The following COL1A1 variants were observed in gnomAD, a reference collection of about 807,000 sequenced individuals.
COL1A1 encodes the protein collagen alpha-1(I) chain.
Under a neutral mutation model 195.7 loss-of-function variants are expected in COL1A1, and 21 were observed. The ratio of observed to expected loss-of-function variants is 0.11; its 90% CI spans 0.08 to 0.15. The LOEUF is 0.15. Among genes scored for constraint, COL1A1 ranks in the 10% least tolerant of loss-of-function variants. The pLI is 1.00. For missense variants in COL1A1, 1,365 were observed against 2,051.0 expected (o/e 0.67, Z 6.46); for synonymous variants, 749 against 747.3 (o/e 1.00, Z -0.04).
At chr17:50,193,658 T>C (rs1907302233) in intron 25 of COL1A1, 1 of 407,646 alleles carries the variant, frequency 2.5e-6, no homozygotes, top group Admixed American at 3.6e-5. Flanking sequence ...ATCTTTTGTA[T>C]TTTTAGTAGA....
In COL1A1 at chr17:50,190,762, G is replaced by A; in HGVS notation, c.2343+55C>T. The A allele has an allele frequency of 6.5e-7, 1 of 1,543,678 alleles. No homozygotes were observed. The highest frequency in any genetic ancestry group is 9.0e-7 in the Non-Finnish European group (1 of 1,116,746). ...ACGCAACCCCACGGAACCGTGCCCA[G>A]GCCTGCTGAGGAGGCTATGTGTTAG... On this transcript the variant is annotated intron_variant, in intron 33 of 50. Coordinates refer to ENST00000225964, the MANE Select transcript of COL1A1 (RefSeq NM_000088.4). The surrounding 1 kb of genome is among the most constrained non-coding windows in gnomAD (Gnocchi z 4.7).
Position 50,185,409 on chromosome 17 carries a change from T to G in COL1A1, c.*93A>C. On this transcript the variant is annotated 3_prime_UTR_variant, in exon 51 of 51. Coordinates refer to ENST00000225964, the MANE Select transcript of COL1A1 (RefSeq NM_000088.4). ...GTGAAATTGTCTCCCATTTTTTGGC[T>G]TTTGAGGGGGTTCAGTTTGGGTTGC... is the stretch of plus-strand genomic sequence containing the variant. 6.7e-7 allele frequency: 1 copy of G among 1,485,412 alleles called. No individual in the cohort carries two copies. The allele number at this position is 1,485,412 out of a possible 1,614,324, so 92.0% of individuals were successfully genotyped here.
rs367802613 is a variant in COL1A1 at position 50,195,920 on chromosome 17, C to T, written c.1056+3G>A. 114 of 1,577,960 alleles carry T rather than the reference C, an allele frequency of 7.2e-5. No individual in the cohort carries two copies. Among genetic ancestry groups the T allele is most frequent in the Non-Finnish European group, 9.6e-5 (111 of 1,161,376 alleles). On this transcript the variant is annotated splice_donor_region_variant and intron_variant, in intron 16 of 50. Transcript: ENST00000225964. This position sits in a 1 kb window ranked among gnomAD's most constrained non-coding sequence, Gnocchi z 4.3. ...ATGCTTAGAGGAGAGTGGGGGGTCT[C>T]ACCTTAGCACCAACAGCACCAGGGA...
In COL1A1 at chr17:50,190,308, TG is replaced by T. The variant is rs772973696; in HGVS notation, c.2451+18del. The T allele has an allele frequency of 2.6e-6, 4 of 1,520,310 alleles. No individual in the cohort carries two copies. Among genetic ancestry groups the T allele is most frequent in the Non-Finnish European group, 3.6e-6 (4 of 1,103,218 alleles). The allele number at this position is 1,520,310 out of a possible 1,614,324, so 94.2% of individuals were successfully genotyped here. A position where few individuals can be genotyped will look rare whatever the true frequency, so the allele number is the denominator to read the frequency against. ...GGTCCCAGTCGGTGATGAAAAATGA[TG>T]GGGGTCTTGGTACTCACAGGGGGGC... is the stretch of plus-strand genomic sequence containing the variant. On this transcript the variant is annotated intron_variant, in intron 35 of 50. Transcript: ENST00000225964. This position sits in a 1 kb window ranked among gnomAD's most constrained non-coding sequence, Gnocchi z 4.7.
chr17:50,197,098 T>C (rs1329225592), intron 10 of COL1A1, 35 bp from the exon 11 acceptor site: 2 of 1,613,928 alleles, frequency 1.2e-6, no homozygotes, highest in African/African-American at 2.7e-5. Context: ...GAAGGGCCAT[T>C]AGAACACATC....
chr17:50,187,661 C>T (rs573217119), intron 45 of COL1A1, 124 bp from the exon 46 acceptor site: 23 of 1,114,064 alleles, frequency 2.1e-5, no homozygotes, highest in Admixed American at 9.7e-5. Flanking sequence ...GAAATCTAGC[C>T]CGAGGGTGTC....
chr17:50,198,021 G>T lies in COL1A1; in HGVS notation c.589-19C>A, dbSNP rs201953078. The T allele has an allele frequency of 5.0e-6, 8 of 1,613,938 alleles. No individual in the cohort carries two copies. In the East Asian group the frequency reaches 1.3e-4, roughly 27 times the overall value. On this transcript the variant is annotated intron_variant, in intron 7 of 50. Coordinates refer to ENST00000225964, the MANE Select transcript of COL1A1 (RefSeq NM_000088.4). Reference sequence around the variant, plus strand: ...GGGGACCCTTGAGAAGAAGGAAAAAGATGGGTTAGAAGACAAGTCCCTGTC... The same window carrying T: ...GGGGACCCTTGAGAAGAAGGAAAAATATGGGTTAGAAGACAAGTCCCTGTC...
Position 50,199,426 on chromosome 17 carries a change from C to T in COL1A1, c.361G>A (p.Gly121Ser). The change falls in exon 4 of 51, where the codon GGC becomes AGC. Residue 121 changes from glycine to serine, a missense_variant. Gly to Ser is a moderately conservative substitution (Grantham distance 56). Coordinates refer to ENST00000225964, the MANE Select transcript of COL1A1 (RefSeq NM_000088.4). Reference sequence around the variant, plus strand: ...CAGAGTGCAACGCTTACCCTTGGGCCTCGGGGGCCAGTGTCTCCCTTGGGT... The same window carrying T: ...CAGAGTGCAACGCTTACCCTTGGGCTTCGGGGGCCAGTGTCTCCCTTGGGT... ...EGPKGDTGPRGPRGPAGPPGR... is the reference protein window; with the variant it reads ...EGPKGDTGPRSPRGPAGPPGR... The T allele has an allele frequency of 3.7e-6, 6 of 1,614,092 alleles. No homozygotes were observed. The highest frequency in any genetic ancestry group is 1.3e-5 in the African/African-American group (1 of 75,050).
At chr17:50,191,568 C>T in intron 31 of COL1A1, 78 bp from the exon 32 acceptor site, 4 of 1,377,482 alleles carry the variant, frequency 2.9e-6, no homozygotes, top group Non-Finnish European at 4.1e-6. Flanking sequence ...CGCTTGGTAT[C>T]TCCCAGGCTT....
In COL1A1 at chr17:50,186,101, T is replaced by C. The variant is rs893733326; in HGVS notation, c.4006-81A>G. On this transcript the variant is annotated intron_variant, in intron 49 of 50. Coordinates refer to ENST00000225964, the MANE Select transcript of COL1A1 (RefSeq NM_000088.4). This position sits in a 1 kb window ranked among gnomAD's most constrained non-coding sequence, Gnocchi z 5.3. ...TGCCTGGCCTCCCTGTCCAGGGTCCTCAGAGAGCTGCCCAATGCACCGTTA... is the reference window on the plus strand; with the variant it reads ...TGCCTGGCCTCCCTGTCCAGGGTCCCCAGAGAGCTGCCCAATGCACCGTTA... The C allele has an allele frequency of 1.3e-6, 2 of 1,589,370 alleles. No homozygotes were observed. Among genetic ancestry groups the C allele is most frequent in the Non-Finnish European group, 1.7e-6 (2 of 1,172,278 alleles).
Position 50,188,682 on chromosome 17 carries a change from G to A in COL1A1, c.3100-45C>T, listed in dbSNP as rs1906782019. ...AATATGGGTCAGCCCCGGGTGAAGG[G>A]CCAGGATGGGGCAGGGAAGCAGCAG... On this transcript the variant is annotated intron_variant, in intron 42 of 50. Transcript: ENST00000225964. The surrounding 1 kb of genome is among the most constrained non-coding windows in gnomAD (Gnocchi z 5.6). 1.2e-6 allele frequency: 2 copies of A among 1,612,864 alleles called. No individual in the cohort carries two copies. The highest frequency in any genetic ancestry group is 1.1e-5 in the South Asian group (1 of 91,066).
At chr17:50,193,692 C>T (rs775994827) in intron 25 of COL1A1, 3 of 490,042 alleles carry the variant, frequency 6.1e-6, no homozygotes, top group East Asian at 3.9e-5. Flanking sequence ...TATGTTGGCC[C>T]GACTGGTCTC....
rs1906943409 is a variant in COL1A1 at position 50,190,097 on chromosome 17, G to T, written c.2463C>A (p.Gly821=). Residue 821 remains glycine, a synonymous_variant, in exon 36 of 51, where the codon GGC becomes GGA. Transcript: ENST00000225964. The surrounding 1 kb of genome is among the most constrained non-coding windows in gnomAD (Gnocchi z 4.7). Reference sequence around the variant, plus strand: ...CAGGTTCGCCTTTAGCACCAGGTTGGCCGTCAGCACCCTGGGGGAGGAAGC... The same window carrying T: ...CAGGTTCGCCTTTAGCACCAGGTTGTCCGTCAGCACCCTGGGGGAGGAAGC... ...AGFAGPPGAD[G]QPGAKGEPGD... is the part of the protein sequence containing the mutation. 2 of 1,613,520 alleles carry T rather than the reference G, an allele frequency of 1.2e-6. No homozygotes were observed. Among genetic ancestry groups the T allele is most frequent in the African/African-American group, 2.7e-5 (2 of 74,886 alleles).
chr17:50,191,361 G>A (rs1182272483), intron 32 of COL1A1, 22 bp downstream of exon 32: 10 of 1,600,008 alleles, frequency 6.2e-6, no homozygotes, highest in Non-Finnish European at 8.6e-6. Flanking sequence ...AGGGCTCAGG[G>A]GAGGGGGAAG....
Position 50,189,565 on chromosome 17 carries a change from G to A in COL1A1, c.2668-27C>T. The A allele has an allele frequency of 6.2e-7, 1 of 1,613,160 alleles. No homozygotes were observed. The highest frequency in any genetic ancestry group is 1.1e-5 in the South Asian group (1 of 91,042). ...TGGATGAGGATAGGAGGGGCTGTCA[G>A]ACTCCAGGGGGCTCTGGTGCATCAT... On this transcript the variant is annotated intron_variant, in intron 38 of 50. Coordinates refer to ENST00000225964, the MANE Select transcript of COL1A1 (RefSeq NM_000088.4). The surrounding 1 kb of genome is among the most constrained non-coding windows in gnomAD (Gnocchi z 5.5).
chr17:50,187,753 T>A (rs1006086514), intron 45 of COL1A1, 123 bp downstream of exon 45: 13 of 1,057,888 alleles, frequency 1.2e-5, no homozygotes, highest in Non-Finnish European at 1.7e-5. Flanking sequence ...CCACAAATCT[T>A]CAGACCCCAG....
intron 30 of COL1A1, 24 bp from the exon 31 acceptor site, chr17:50,191,910 T>A (rs1410577971): frequency 1.2e-6 from 2 of 1,605,090 alleles, no homozygotes; most frequent in Admixed American, 1.7e-5. Flanking sequence ...ACAGGGCATG[T>A]GAAGGCTGCT....
In COL1A1 at chr17:50,198,020, A is replaced by C. The variant is rs775985897; in HGVS notation, c.589-18T>G. The C allele has an allele frequency of 5.1e-5, 83 of 1,613,798 alleles. No homozygotes were observed. In the Admixed American group the frequency reaches 1.4e-3, roughly 26 times the overall value. On this transcript the variant is annotated intron_variant, in intron 7 of 50. Coordinates refer to ENST00000225964, the MANE Select transcript of COL1A1 (RefSeq NM_000088.4). Reference sequence around the variant, plus strand: ...TGGGGACCCTTGAGAAGAAGGAAAAAGATGGGTTAGAAGACAAGTCCCTGT... The same window carrying C: ...TGGGGACCCTTGAGAAGAAGGAAAACGATGGGTTAGAAGACAAGTCCCTGT...
chr17:50,198,256 A>T, intron 6 of COL1A1, 51 bp from the exon 7 acceptor site: 1 of 1,606,600 alleles, frequency 6.2e-7, no homozygotes, highest in African/African-American at 1.3e-5. Flanking sequence ...GTAGGAAAGC[A>T]TGTGGATGTA....
Sources: gnomAD v4.1 joint callset for allele counts on GRCh38, gnomAD v4.1.1 for gene constraint, Gnocchi (gnomAD v3.1) non-coding constraint, MANE v1.5 for transcripts, NCBI Gene and HGNC (gene_info 2026-07-23, HGNC 2026-07-21) for gene names.